The following SERGEF variants were observed in gnomAD, a reference collection of about 807,000 sequenced individuals.
SERGEF encodes the protein secretion regulating guanine nucleotide exchange factor, also known as secretion-regulating guanine nucleotide exchange factor.
Under a neutral mutation model 50.0 loss-of-function variants are expected in SERGEF, and 51 were observed. The observed-to-expected ratio is 1.02, with a 90% CI of 0.81 to 1.29. SERGEF has a LOEUF of 1.29. SERGEF is among the 50% of genes most tolerant of loss of function. The pLI, the probability that SERGEF is intolerant of heterozygous loss-of-function variation, is 0.00. For synonymous variants in SERGEF, 205 were observed against 212.4 expected (o/e 0.97, Z 0.30); for missense variants, 521 against 557.0 (o/e 0.94, Z 0.65).
intron 10 of SERGEF, among the ~76,000 whole-genome samples, chr11:17,833,050 G>A (rs553311468): frequency 2.9e-4 from 44 of 152,272 alleles, no homozygotes; most frequent in East Asian, 1.7e-3. Context: ...CATAAGTAAC[G>A]AGGAGCCAAA....
chr11:17,810,244 C>T (rs1266711625), intron 10 of SERGEF, among the ~76,000 whole-genome samples: 3 of 152,204 alleles, frequency 2.0e-5, no homozygotes, highest in African/African-American at 7.2e-5. Flanking sequence ...ATTTCTCTCA[C>T]TTCTTGTATC....
rs537290706 is a variant in SERGEF at position 17,943,183 on chromosome 11, A to G, written c.1011+16287T>C. Among the ~76,000 whole-genome samples, 7 of 152,258 alleles carry G rather than the reference A, an allele frequency of 4.6e-5. No individual in the cohort carries two copies. In the South Asian group the frequency reaches 1.4e-3, roughly 32 times the overall value. On this transcript the variant is annotated intron_variant, in intron 9 of 10. Transcript: ENST00000265965. Reference sequence around the variant, plus strand: ...CTTACTTAAATATCTGATAAAGTTTATTAGAGAAACCACCTAGGCCTAAAG... The same window carrying G: ...CTTACTTAAATATCTGATAAAGTTTGTTAGAGAAACCACCTAGGCCTAAAG...
At chr11:17,913,241 C>T (rs2133932049) in intron 9 of SERGEF, among the ~76,000 whole-genome samples, 1 of 152,356 alleles carries the variant, frequency 6.6e-6, no homozygotes, top group African/African-American at 2.4e-5. Context: ...ATCCTGCCTC[C>T]ACTAGCCCCA....
intron 5 of SERGEF, among the ~76,000 whole-genome samples, chr11:17,998,432 CATACATACATATATATATATATATATAT>C (rs1348565975): frequency 1.1e-4 from 6 of 55,886 alleles, no homozygotes; most frequent in Admixed American, 4.1e-4. Flanking sequence ...TACATACATA[CATACATACATATATATATATATATATAT>C]ATATATATAT....
chr11:17,871,319 G>A (rs1181301306), intron 10 of SERGEF, among the ~76,000 whole-genome samples: 1 of 152,006 alleles, frequency 6.6e-6, no homozygotes, highest in African/African-American at 2.4e-5. Flanking sequence ...AAATTAGCCG[G>A]GTGTGGTGGC....
chr11:17,891,399 G>C (rs150118171), intron 9 of SERGEF, among the ~76,000 whole-genome samples: 2 of 152,264 alleles, frequency 1.3e-5, no homozygotes, highest in African/African-American at 2.4e-5. Flanking sequence ...AAATGAACTG[G>C]TCCTAGTGTC....
intron 10 of SERGEF, among the ~76,000 whole-genome samples, chr11:17,831,252 G>A (rs1261742505): frequency 6.6e-6 from 1 of 152,222 alleles, no homozygotes; most frequent in Non-Finnish European, 1.5e-5. Flanking sequence ...AGGTGATTCT[G>A]ATGCAAGTGG....
At chr11:17,835,991 C>T (rs1045062704) in intron 10 of SERGEF, among the ~76,000 whole-genome samples, 3 of 152,204 alleles carry the variant, frequency 2.0e-5, no homozygotes, top group African/African-American at 7.2e-5. Flanking sequence ...GGTTGTATAG[C>T]TGAGAGAATG....
At chr11:18,009,746 G>A (rs1854158831) in intron 1 of SERGEF, among the ~76,000 whole-genome samples, 2 of 151,948 alleles carry the variant, frequency 1.3e-5, no homozygotes, top group South Asian at 4.2e-4. Flanking sequence ...ATACAAAAAG[G>A]GTCCATAATC....
chr11:17,831,343 T>C (rs973941107), intron 10 of SERGEF, among the ~76,000 whole-genome samples: 2 of 152,196 alleles, frequency 1.3e-5, no homozygotes, highest in African/African-American at 2.4e-5. Flanking sequence ...TGGCCTATTC[T>C]GGAGGTCAGC....
At chr11:17,868,306 G>C (rs957274936) in intron 10 of SERGEF, among the ~76,000 whole-genome samples, 1 of 152,130 alleles carries the variant, frequency 6.6e-6, no homozygotes, top group Non-Finnish European at 1.5e-5. Flanking sequence ...CAAGTTCAAA[G>C]TTCCACAAAT....
At position 17,884,615 on chromosome 11, in the gene SERGEF, C is replaced by A. The variant is rs997377978; in HGVS notation, c.1012-6371G>T. The stretch of plus-strand genomic sequence containing the variant: ...TGGTCCCAACTGGGGAAGGCCATGG[C>A]GACACCAGAGAGGCAGCACGGCTGT... On this transcript the variant is annotated intron_variant, in intron 9 of 10. Coordinates refer to ENST00000265965, the MANE Select transcript of SERGEF (RefSeq NM_012139.4). This position sits in a 1 kb window ranked among gnomAD's most constrained non-coding sequence, Gnocchi z 4.6. 6.6e-6 allele frequency among the ~76,000 whole-genome samples: 1 copy of A among 152,084 alleles called. No individual in the cohort carries two copies. The highest frequency in any genetic ancestry group is 1.5e-5 in the Non-Finnish European group (1 of 68,024).
intron 9 of SERGEF, chr11:17,918,657 C>T (rs7481822): frequency 1.5e-5 from 6 of 401,376 alleles, no homozygotes; most frequent in Non-Finnish European, 3.0e-5. Flanking sequence ...CACACATACA[C>T]ACACACTCTC....
chr11:17,868,036 G>A (rs1433730491), intron 10 of SERGEF, among the ~76,000 whole-genome samples: 4 of 152,168 alleles, frequency 2.6e-5, no homozygotes, highest in Non-Finnish European at 5.9e-5. Context: ...CCCCTGACAT[G>A]CCCTGGAGAC....
At chr11:18,010,698 C>A (rs1051967183) in intron 1 of SERGEF, among the ~76,000 whole-genome samples, 5 of 152,176 alleles carry the variant, frequency 3.3e-5, no homozygotes, top group Admixed American at 6.5e-5. Context: ...CTGTACACCA[C>A]CCCTGCCAGA....
chr11:17,943,091 T>C (rs1014760929), intron 9 of SERGEF, among the ~76,000 whole-genome samples: 15 of 110,214 alleles, frequency 1.4e-4, no homozygotes, highest in Non-Finnish European at 2.3e-4. Flanking sequence ...AGAATTATGC[T>C]GACTTCATAA....
At chr11:17,796,113 AC>A (rs1209390519) in intron 10 of SERGEF, among the ~76,000 whole-genome samples, 12 of 152,338 alleles carry the variant, frequency 7.9e-5, no homozygotes, top group African/African-American at 2.4e-4. Flanking sequence ...GGGAAGGGTG[AC>A]CCTCATTTTC....
At chr11:17,967,619 G>C (rs1853152017) in intron 8 of SERGEF, among the ~76,000 whole-genome samples, 1 of 152,202 alleles carries the variant, frequency 6.6e-6, no homozygotes, top group South Asian at 2.1e-4. Flanking sequence ...ACAACATGTG[G>C]TTAGGGTTTT....
In SERGEF at chr11:17,795,062, A is replaced by G. The variant is rs183990566; in HGVS notation, c.1049-6649T>C. Among the ~76,000 whole-genome samples the G allele has an allele frequency of 2.6e-5, 4 of 152,310 alleles. No homozygotes were observed. The East Asian group carries it at 7.7e-4, about 29-fold the overall frequency. On this transcript the variant is annotated intron_variant, in intron 10 of 10. Coordinates refer to ENST00000265965, the MANE Select transcript of SERGEF (RefSeq NM_012139.4). ...TGGTCCATGTTGTCTCCTCCTGTCT[A>G]AGAGCACGCATAGGCCTAGACCAAC...
Sources: allele counts gnomAD v4.1 joint callset (sites outside exome capture counted in the v4.1 genomes callset), GRCh38; gene constraint gnomAD v4.1.1; non-coding constraint Gnocchi (gnomAD v3.1); transcripts MANE v1.5; gene names NCBI Gene and HGNC (gene_info 2026-07-23, HGNC 2026-07-21).